Variants in POLR3B observed in about 807,000 individuals in gnomAD.
POLR3B encodes the protein RNA polymerase III subunit B, also known as DNA-directed RNA polymerase III subunit RPC2.
POLR3B carries 96 observed loss-of-function variants against 147.4 expected under a neutral mutation model. The observed-to-expected ratio is 0.65, with a 90% CI of 0.55 to 0.77. The LOEUF (loss-of-function observed/expected upper bound fraction) is 0.77, where lower values mean the gene tolerates loss of function less well. Among genes scored for constraint, POLR3B ranks in the 30% least tolerant of loss-of-function variants. POLR3B has a pLI of 0.00. For synonymous variants in POLR3B, 461 were observed against 485.9 expected, an observed-to-expected ratio of 0.95 and a Z score of 0.67; for missense variants, 1,036 against 1,413.5, an observed-to-expected ratio of 0.73 and a Z score of 4.28.
In POLR3B at chr12:106,496,076, C is replaced by A; in HGVS notation, c.2735C>A (p.Pro912His). The A allele has an allele frequency of 6.2e-7, 1 of 1,611,546 alleles. No individual in the cohort carries two copies. ...GQKGVCGLIV[P>H]QEDMPFCDSG... is the part of the protein sequence containing the mutation. ...CCAGGTGTTTGTGGCTTGATCGTCC[C>A]CCAGGAAGACATGCCATTTTGTGAT... The change falls in exon 24 of 28, where the codon CCC (proline) becomes CAC (histidine). Residue 912 changes from proline (P) to histidine (H), a missense_variant. Physicochemically the swap from Pro to His is moderately conservative, Grantham distance 77. Transcript: ENST00000228347.
At chr12:106,484,272 A>G (rs2038308161) in intron 23 of POLR3B, among the ~76,000 whole-genome samples, 1 of 152,212 alleles carries the variant, frequency 6.6e-6, no homozygotes, top group Non-Finnish European at 1.5e-5. Context: ...GGCACCAATC[A>G]CAAAGCATTT....
chr12:106,444,206 G>C (rs539443198), intron 18 of POLR3B, among the ~76,000 whole-genome samples: 1 of 152,304 alleles, frequency 6.6e-6, no homozygotes, highest in African/African-American at 2.4e-5. Flanking sequence ...ATGAGGAAAA[G>C]CAGGCTAGTC....
chr12:106,359,393 G>T (rs1177145579), intron 1 of POLR3B, among the ~76,000 whole-genome samples: 3 of 146,030 alleles, frequency 2.1e-5, no homozygotes, highest in Non-Finnish European at 4.5e-5. Flanking sequence ...GTGCAGTGGT[G>T]TAATCTCGGC....
chr12:106,433,619 A>G (rs2037537926), intron 15 of POLR3B, 100 bp from the exon 16 acceptor site: 20 of 937,772 alleles, frequency 2.1e-5, no homozygotes, highest in Non-Finnish European at 3.2e-5. Context: ...ATTTTCAAAT[A>G]ACTGCTTAGT....
chr12:106,506,487 C>T (rs1263442480), intron 27 of POLR3B, among the ~76,000 whole-genome samples: 3 of 152,134 alleles, frequency 2.0e-5, no homozygotes, highest in Admixed American at 6.6e-5. Flanking sequence ...CCACTGGTTA[C>T]CCAGGGAAGG....
rs1035454891 is a variant in POLR3B, at chr12:106,427,096, T to G, written c.1102-101T>G. ...AATTTTTTTTCTGTTTTAAGCAGTT[T>G]CTCCATCTTATTTTTTAAAAATCTT... On this transcript the variant is annotated intron_variant, in intron 12 of 27. Transcript: ENST00000228347. 3.8e-6 allele frequency: 3 copies of G among 795,854 alleles called. No individual in the cohort carries two copies. In the Admixed American group the frequency reaches 8.3e-5, roughly 22 times the overall value. 49.3% of individuals were successfully genotyped at this position (795,854 alleles called of 1,614,324 possible).
chr12:106,450,059 T>C (rs528665403), intron 19 of POLR3B, among the ~76,000 whole-genome samples: 8 of 152,302 alleles, frequency 5.3e-5, no homozygotes, highest in Admixed American at 2.0e-4. Context: ...GTCAATGGAA[T>C]TGGCATCAAG....
intron 23 of POLR3B, among the ~76,000 whole-genome samples, chr12:106,494,898 C>A (rs141722463): frequency 1.0e-3 from 152 of 152,154 alleles, no homozygotes; most frequent in African/African-American, 3.5e-3. Flanking sequence ...CCAGTATTAC[C>A]TAGGAAAATG....
intron 23 of POLR3B, among the ~76,000 whole-genome samples, chr12:106,470,416 AG>A (rs528961226): frequency 5.9e-4 from 90 of 151,384 alleles, no homozygotes; most frequent in African/African-American, 1.8e-3. Context: ...TAGCTTGGAG[AG>A]GTTTGTTATT....
At chr12:106,368,298 C>T (rs11112951) in intron 4 of POLR3B, among the ~76,000 whole-genome samples, 57,544 of 151,522 alleles carry the variant, frequency 0.38, 12,725 homozygotes, top group African/African-American at 0.61. Context: ...GATTCCAAGA[C>T]ATGGACACTA....
intron 23 of POLR3B, among the ~76,000 whole-genome samples, chr12:106,466,360 G>C (rs1035094873): frequency 1.1e-4 from 16 of 152,156 alleles, no homozygotes; most frequent in Admixed American, 7.2e-4. Context: ...TTAGCCCTTT[G>C]TCAGATGGAT....
chr12:106,448,301 G>T (rs1324586024), intron 19 of POLR3B, among the ~76,000 whole-genome samples: 8 of 151,764 alleles, frequency 5.3e-5, no homozygotes, highest in African/African-American at 1.9e-4. Context: ...GGTTTGAGTG[G>T]GAGGTAGAAT....
At chr12:106,472,420 TC>T (rs2038106510) in intron 23 of POLR3B, among the ~76,000 whole-genome samples, 1 of 148,984 alleles carries the variant, frequency 6.7e-6, no homozygotes, top group South Asian at 2.1e-4. Context: ...TAGTTCTAGA[TC>T]CCTGAGGAAT....
intron 9 of POLR3B, 51 bp from the exon 10 acceptor site, chr12:106,392,980 A>G: frequency 6.2e-7 from 1 of 1,610,610 alleles, no homozygotes; most frequent in Non-Finnish European, 8.5e-7. Context: ...AGCAAATGTC[A>G]GTGAGTTAAC....
chr12:106,381,571 CACTTCT>C (rs2036764244), intron 9 of POLR3B, among the ~76,000 whole-genome samples: 1 of 152,178 alleles, frequency 6.6e-6, no homozygotes, highest in African/African-American at 2.4e-5. Flanking sequence ...CTTCAGGCTC[CACTTCT>C]ACTTCTAGTT....
At chr12:106,445,483 G>A (rs1434570348) in intron 19 of POLR3B, among the ~76,000 whole-genome samples, 1 of 152,080 alleles carries the variant, frequency 6.6e-6, no homozygotes, top group Non-Finnish European at 1.5e-5. Flanking sequence ...ACTTTAGTGT[G>A]GCTGCCTAGT....
chr12:106,445,062 T>G (rs2037703562), intron 19 of POLR3B, among the ~76,000 whole-genome samples: 1 of 152,216 alleles, frequency 6.6e-6, no homozygotes, highest in Non-Finnish European at 1.5e-5. Context: ...CTAGTGTATC[T>G]CCTAAAACTT....
At chr12:106,484,443 C>T (rs1236230118) in intron 23 of POLR3B, among the ~76,000 whole-genome samples, 3 of 151,908 alleles carry the variant, frequency 2.0e-5, no homozygotes, top group East Asian at 1.9e-4. Flanking sequence ...TCTGTTCTCC[C>T]GGGATTTGTG....
intron 12 of POLR3B, among the ~76,000 whole-genome samples, chr12:106,417,651 A>G (rs2037322561): frequency 6.6e-6 from 1 of 152,212 alleles, no homozygotes; most frequent in South Asian, 2.1e-4. Context: ...GGTTCTAGAA[A>G]AAAAAATTAG....
Sources: allele counts gnomAD v4.1 joint callset (sites outside exome capture counted in the v4.1 genomes callset), GRCh38; gene constraint gnomAD v4.1.1; transcripts MANE v1.5; gene names NCBI Gene and HGNC (gene_info 2026-07-23, HGNC 2026-07-21).